SLCO1B3: variants seen among roughly 807,000 people sequenced by gnomAD.
The protein encoded by SLCO1B3 is liver-specific organic anion transporter 2.
A neutral mutation model predicts 71.8 loss-of-function variants in SLCO1B3; 72 were observed. The ratio of observed to expected loss-of-function variants is 1.00; its 90% CI spans 0.83 to 1.22. The LOEUF is 1.22. Ranked by LOEUF, SLCO1B3 falls within the 50% of genes most tolerant of loss-of-function variation. SLCO1B3 has a pLI of 0.00. For synonymous variants in SLCO1B3, 298 were observed against 278.4 expected (o/e 1.07, Z -0.70); for missense variants, 911 against 819.7 (o/e 1.11, Z -1.36).
Position 20,862,786 on chromosome 12 carries a change from C to T in SLCO1B3, c.659C>T (p.Pro220Leu), listed in dbSNP as rs1423441745. 11 of 1,611,396 alleles carry T rather than the reference C, an allele frequency of 6.8e-6. No homozygotes were observed. Among genetic ancestry groups the T allele is most frequent in the South Asian group, 6.6e-5 (6 of 90,898 alleles). ...GSLNAIGMIGPVIGFALGSLF... is the reference protein window; with the variant it reads ...GSLNAIGMIGLVIGFALGSLF... ...TTGAATGCAATAGGAATGATTGGTCCAGTCATTGGCTTTGCACTGGGATCT... is the reference window on the plus strand; with the variant it reads ...TTGAATGCAATAGGAATGATTGGTCTAGTCATTGGCTTTGCACTGGGATCT... Residue 220 changes from proline (P) to leucine (L), a missense_variant, in exon 8 of 16, where the codon CCA becomes CTA. By Grantham distance (98) the Pro-to-Leu change is moderately conservative. Transcript: ENST00000381545.
intron 13 of SLCO1B3, among the ~76,000 whole-genome samples, chr12:20,884,907 A>G (rs760198990): frequency 3.9e-5 from 6 of 152,116 alleles, no homozygotes; most frequent in African/African-American, 7.2e-5. Context: ...TAAATATTCC[A>G]CAAGTATAGC....
intron 13 of SLCO1B3, among the ~76,000 whole-genome samples, chr12:20,886,846 T>C (rs1013952876): frequency 6.6e-6 from 1 of 151,976 alleles, no homozygotes; most frequent in Non-Finnish European, 1.5e-5. Context: ...CAATAGGTAG[T>C]ATTTCTTCCC....
At position 20,881,036 on chromosome 12, in the gene SLCO1B3, C is replaced by A. The variant is rs756797090; in HGVS notation, c.1497+16C>A. The stretch of plus-strand genomic sequence containing the variant: ...AAAGCATACAGTGAGTATTAGTTTT[C>A]ACTTTTTCTCCTCTCCTTAATCAAA... On this transcript the variant is annotated intron_variant, in intron 12 of 15. Coordinates refer to ENST00000381545, the MANE Select transcript of SLCO1B3 (RefSeq NM_019844.4). 1.8e-5 allele frequency: 28 copies of A among 1,552,882 alleles called. No individual in the cohort carries two copies. Among genetic ancestry groups the A allele is most frequent in the African/African-American group, 2.8e-5 (2 of 72,394 alleles).
At chr12:20,907,056 G>T (rs1383219709) in intron 15 of SLCO1B3, among the ~76,000 whole-genome samples, 1 of 151,938 alleles carries the variant, frequency 6.6e-6, no homozygotes, top group Non-Finnish European at 1.5e-5. Flanking sequence ...TAATATGGAA[G>T]GCTATTCACA....
At chr12:20,854,936 AAAG>A in intron 3 of SLCO1B3, 89 bp from the exon 4 acceptor site, 1 of 1,195,862 alleles carries the variant, frequency 8.4e-7, no homozygotes, top group Non-Finnish European at 1.2e-6. Flanking sequence ...GTTTTCGAGT[AAAG>A]AAGAAAAACT....
chr12:20,823,629 T>G (rs1864363452), intron 3 of SLCO1B3, among the ~76,000 whole-genome samples: 1 of 152,162 alleles, frequency 6.6e-6, no homozygotes, highest in Non-Finnish European at 1.5e-5. Flanking sequence ...ATATAGGAGC[T>G]CTCTCTCTTT....
intron 3 of SLCO1B3, among the ~76,000 whole-genome samples, chr12:20,828,436 G>C (rs1180675383): frequency 1.3e-5 from 2 of 152,082 alleles, no homozygotes; most frequent in Non-Finnish European, 2.9e-5. Flanking sequence ...GAGGAAACCT[G>C]TATTTTCTTA....
At chr12:20,854,364 A>G (rs1232674025) in intron 3 of SLCO1B3, among the ~76,000 whole-genome samples, 3 of 152,088 alleles carry the variant, frequency 2.0e-5, no homozygotes, top group African/African-American at 7.2e-5. Context: ...TTTGTTTCAT[A>G]TATCTCATTG....
At chr12:20,877,651 ACT>A (rs1174387111) in intron 9 of SLCO1B3, 119 bp from the exon 10 acceptor site, 1 of 391,812 alleles carries the variant, frequency 2.6e-6, no homozygotes, top group African/African-American at 2.1e-5. Flanking sequence ...AAAGGTCGCG[ACT>A]CTCTTAGAAA....
chr12:20,818,059 A>C (rs10841656), intron 3 of SLCO1B3, among the ~76,000 whole-genome samples: 122,841 of 151,826 alleles, frequency 0.81, 49,975 homozygotes, highest in East Asian at 0.96. Context: ...GTAGGGATGA[A>C]AAGTTTTTTT....
At chr12:20,872,084 G>A (rs913619495) in intron 8 of SLCO1B3, among the ~76,000 whole-genome samples, 3 of 151,934 alleles carry the variant, frequency 2.0e-5, no homozygotes, top group Admixed American at 2.0e-4. Flanking sequence ...TGGCTACGCT[G>A]GCACCCAAAC....
intron 13 of SLCO1B3, among the ~76,000 whole-genome samples, chr12:20,884,571 A>T (rs554291232): frequency 1.3e-5 from 2 of 152,178 alleles, no homozygotes; most frequent in South Asian, 4.1e-4. Flanking sequence ...ATGTTTGGAG[A>T]GTTGAGGGGA....
chr12:20,822,661 G>A (rs957550272), intron 3 of SLCO1B3, among the ~76,000 whole-genome samples: 4 of 152,172 alleles, frequency 2.6e-5, no homozygotes, highest in Non-Finnish European at 4.4e-5. Flanking sequence ...TGTTGCAAGA[G>A]AAAAACTAGC....
intron 3 of SLCO1B3, among the ~76,000 whole-genome samples, chr12:20,842,599 A>C (rs1378918730): frequency 6.6e-6 from 1 of 152,172 alleles, no homozygotes; most frequent in Non-Finnish European, 1.5e-5. Flanking sequence ...GATTTTTCAA[A>C]AAATAGCCAA....
intron 13 of SLCO1B3, among the ~76,000 whole-genome samples, chr12:20,892,265 C>A (rs553592527): frequency 6.6e-6 from 1 of 151,970 alleles, no homozygotes; most frequent in Admixed American, 6.6e-5. Flanking sequence ...TATGTAGGAT[C>A]TAACAGGCTA....
At chr12:20,862,298 T>A in intron 6 of SLCO1B3, 114 bp from the exon 7 acceptor site, 1 of 1,209,948 alleles carries the variant, frequency 8.3e-7, no homozygotes, top group Non-Finnish European at 1.2e-6. Context: ...GAATCACTTG[T>A]AATTAGGAAA....
chr12:20,901,301 C>T (rs750669717), intron 14 of SLCO1B3, 49 bp from the exon 15 acceptor site: 2 of 1,128,872 alleles, frequency 1.8e-6, no homozygotes, highest in South Asian at 2.9e-5. Flanking sequence ...CGCTCAGTTA[C>T]ATTTGAAGCA....
intron 8 of SLCO1B3, among the ~76,000 whole-genome samples, chr12:20,873,170 C>G (rs1865509271): frequency 6.6e-6 from 1 of 152,156 alleles, no homozygotes; most frequent in African/African-American, 2.4e-5. Flanking sequence ...TGCCCATGTG[C>G]TAGTTTAAAT....
chr12:20,822,577 C>T (rs1864336455), intron 3 of SLCO1B3, among the ~76,000 whole-genome samples: 1 of 152,076 alleles, frequency 6.6e-6, no homozygotes, highest in South Asian at 2.1e-4. Flanking sequence ...GTGCAAGTCA[C>T]AGGGGATGGG....
Sources: allele counts gnomAD v4.1 joint callset (sites outside exome capture counted in the v4.1 genomes callset), GRCh38; gene constraint gnomAD v4.1.1; transcripts MANE v1.5; gene names NCBI Gene and HGNC (gene_info 2026-07-23, HGNC 2026-07-21).